Variants in GDNF observed in about 807,000 individuals in gnomAD.
The protein encoded by GDNF is glial cell derived neurotrophic factor, also known as glial cell line-derived neurotrophic factor.
A neutral mutation model predicts 13.7 loss-of-function variants in GDNF; 5 were observed. The ratio of observed to expected loss-of-function variants is 0.36; its 90% CI spans 0.19 to 0.77. The LOEUF (loss-of-function observed/expected upper bound fraction) is 0.77. Ranked by LOEUF, GDNF falls within the 30% of genes least tolerant of loss-of-function variation. The pLI, the probability that GDNF is intolerant of heterozygous loss-of-function variation, is 0.51. For synonymous variants in GDNF, 122 were observed against 112.5 expected (o/e 1.08, Z -0.53); for missense variants, 246 against 274.3 (o/e 0.90, Z 0.73).
At chr5:37,835,879 G>T (rs1454245971) in intron 1 of GDNF, 1 of 580,068 alleles carries the variant, frequency 1.7e-6, no homozygotes, top group Non-Finnish European at 3.1e-6. Context: ...AGAGTAGGGG[G>T]TTCAGCTCTT....
intron 1 of GDNF, chr5:37,835,325 C>A: frequency 1.7e-6 from 1 of 604,486 alleles, no homozygotes; most frequent in Non-Finnish European, 2.6e-6. Context: ...TAAAATCAAG[C>A]GCATTCCCCT....
At chr5:37,823,439 A>C (rs966566481) in intron 2 of GDNF, 1 of 152,338 alleles carries the variant, frequency 6.6e-6, no homozygotes, top group African/African-American at 2.4e-5. Flanking sequence ...AGTAGATCCT[A>C]AAGTTAGGCT....
chr5:37,835,399 C>T (rs1717758634), intron 1 of GDNF: 1 of 1,393,004 alleles, frequency 7.2e-7, no homozygotes, highest in Admixed American at 3.0e-5. Flanking sequence ...ACTCACCCAG[C>T]CTGCCGCCCA....
At chr5:37,819,444 C>CTT (rs529362873) in intron 2 of GDNF, among the ~76,000 whole-genome samples, 1,394 of 126,188 alleles carry the variant, frequency 0.011, 20 homozygotes, top group Non-Finnish European at 0.013. Context: ...GTGCTCTTTT[C>CTT]TTTTTTTTTT....
At chr5:37,832,710 G>A (rs1465064255) in intron 2 of GDNF, among the ~76,000 whole-genome samples, 1 of 152,178 alleles carries the variant, frequency 6.6e-6, no homozygotes. Context: ...TACCTTATAT[G>A]AGCCAAAGAT....
At chr5:37,820,221 T>C (rs969862982) in intron 2 of GDNF, among the ~76,000 whole-genome samples, 2 of 152,222 alleles carry the variant, frequency 1.3e-5, no homozygotes, top group Admixed American at 1.3e-4. Flanking sequence ...AAAATTTTAA[T>C]ATAAGCTAAT....
intron 2 of GDNF, among the ~76,000 whole-genome samples, chr5:37,817,456 T>C (rs377635602): frequency 1.3e-4 from 20 of 152,280 alleles, no homozygotes; most frequent in African/African-American, 4.1e-4. Context: ...TTTGCCAAGA[T>C]TGTATTAAAG....
Position 37,815,525 on chromosome 5 carries a change from C to A in GDNF, c.*126G>T. Reference sequence around the variant, plus strand: ...TCCTCCTCCTCCTCCTCCTCCTCTTCTTCTTCCTCCTCCTCCGCCTCCTTG... The same window carrying A: ...TCCTCCTCCTCCTCCTCCTCCTCTTATTCTTCCTCCTCCTCCGCCTCCTTG... On this transcript the variant is annotated 3_prime_UTR_variant, in exon 3 of 3. Coordinates refer to ENST00000326524, the MANE Select transcript of GDNF (RefSeq NM_000514.4). The surrounding 1 kb of genome is among the most constrained non-coding windows in gnomAD (Gnocchi z 5.0). 3.4e-6 allele frequency: 3 copies of A among 871,736 alleles called. No homozygotes were observed. In the East Asian group the frequency reaches 7.5e-5, roughly 22 times the overall value. The allele number at this position is 871,736 out of a possible 1,614,324, so 54.0% of individuals were successfully genotyped here. A position where few individuals can be genotyped will look rare whatever the true frequency, so the allele number is the denominator to read the frequency against.
In GDNF at chr5:37,830,789, A is replaced by T. The variant is rs1297023403; in HGVS notation, c.151+3857T>A. On this transcript the variant is annotated intron_variant, in intron 2 of 2. Transcript: ENST00000326524. ...ATGCCTATTTTACAGGGAAGAAAAA[A>T]CAAAGCTTAAGGGATGTTAAGTAAC... Among the ~76,000 whole-genome samples, 2 of 152,218 alleles carry T rather than the reference A, an allele frequency of 1.3e-5. 1 individual carries two copies. Among genetic ancestry groups the T allele is most frequent in the East Asian group, 3.9e-4 (2 of 5,192 alleles).
rs1452503758 is a variant in GDNF at position 37,839,040 on chromosome 5, C to T, written c.-27+467G>A. On this transcript the variant is annotated intron_variant, in intron 1 of 2. Coordinates refer to ENST00000326524, the MANE Select transcript of GDNF (RefSeq NM_000514.4). The surrounding 1 kb of genome is among the most constrained non-coding windows in gnomAD (Gnocchi z 5.5). Reference sequence around the variant, plus strand: ...ACCTTTGCAGCAGCCCCTCCCCCGGCCTGCGCTTTTCCTTGGCACAGATCA... The same window carrying T: ...ACCTTTGCAGCAGCCCCTCCCCCGGTCTGCGCTTTTCCTTGGCACAGATCA... Among the ~76,000 whole-genome samples, 1 of 152,154 alleles carries T rather than the reference C, an allele frequency of 6.6e-6. No individual in the cohort carries two copies. Among genetic ancestry groups the T allele is most frequent in the Non-Finnish European group, 1.5e-5 (1 of 68,020 alleles).
At chr5:37,834,979 A>T (rs1750652648) in intron 1 of GDNF, 157 bp from the exon 2 acceptor site, 1 of 654,772 alleles carries the variant, frequency 1.5e-6, no homozygotes, top group Non-Finnish European at 2.6e-6. Flanking sequence ...CCTCCTTGCA[A>T]GTCCCCAGTT....
At position 37,814,608 on chromosome 5, in the gene GDNF, T is replaced by C. The variant is rs1354284383; in HGVS notation, c.*1043A>G. 6.6e-6 allele frequency: 1 copy of C among 152,240 alleles called. No individual in the cohort carries two copies. The highest frequency in any genetic ancestry group is 1.9e-4 in the East Asian group (1 of 5,206). The allele number at this position is 152,240 out of a possible 1,614,324, so 9.4% of individuals were successfully genotyped here. ...TTGCATTTTGCGAGCACATATACTTTGGCACCTTTGAAAAGAAACTTTAAT... is the reference window on the plus strand; with the variant it reads ...TTGCATTTTGCGAGCACATATACTTCGGCACCTTTGAAAAGAAACTTTAAT... On this transcript the variant is annotated 3_prime_UTR_variant, in exon 3 of 3. Coordinates refer to ENST00000326524, the MANE Select transcript of GDNF (RefSeq NM_000514.4).
At position 37,825,274 on chromosome 5, in the gene GDNF, C is replaced by T. The variant is rs141042586; in HGVS notation, c.152-9139G>A. On this transcript the variant is annotated intron_variant, in intron 2 of 2. Coordinates refer to ENST00000326524, the MANE Select transcript of GDNF (RefSeq NM_000514.4). The stretch of plus-strand genomic sequence containing the variant: ...AGACAGACAGTAAATTCCTTTGTTA[C>T]TCAGGTTCTGATCACCTTGCTCTGA... Among the ~76,000 whole-genome samples the T allele has an allele frequency of 2.2e-3, 329 of 152,322 alleles. 1 individual carries two copies. Among genetic ancestry groups the T allele is most frequent in the African/African-American group, 7.6e-3 (315 of 41,550 alleles).
At chr5:37,817,546 C>T (rs1296110671) in intron 2 of GDNF, among the ~76,000 whole-genome samples, 2 of 152,040 alleles carry the variant, frequency 1.3e-5, no homozygotes, top group Non-Finnish European at 2.9e-5. Flanking sequence ...TAAAATATAT[C>T]AGGTATCCCT....
chr5:37,834,735 G>T lies in GDNF; in HGVS notation c.62C>A (p.Pro21Gln). 1 of 1,612,018 alleles carries T rather than the reference G, an allele frequency of 6.2e-7. No individual in the cohort carries two copies. Among genetic ancestry groups the T allele is most frequent in the Non-Finnish European group, 8.5e-7 (1 of 1,179,296 alleles). Reference protein sequence around the residue: ...LVLLHTASAFPLPAGKRPPEA... With the variant: ...LVLLHTASAFQLPAGKRPPEA... ...GGGAGGCCTCTTACCGGCGGGCAGC[G>T]GGAAGGCGGACGCGGTGTGGAGCAG... The change falls in exon 2 of 3, where the codon CCG (proline) becomes CAG (glutamine). Residue 21 changes from proline to glutamine, a missense_variant. By Grantham distance (76) the Pro-to-Gln change is moderately conservative (BLOSUM62 -1). Transcript: ENST00000326524.
At chr5:37,819,931 A>G (rs917056849) in intron 2 of GDNF, among the ~76,000 whole-genome samples, 1 of 152,220 alleles carries the variant, frequency 6.6e-6, no homozygotes, top group African/African-American at 2.4e-5. Context: ...ATAATAAGCT[A>G]TTAAAGAGGA....
intron 2 of GDNF, among the ~76,000 whole-genome samples, chr5:37,829,242 C>T (rs779469594): frequency 5.9e-5 from 9 of 152,194 alleles, no homozygotes; most frequent in Non-Finnish European, 1.3e-4. Context: ...CATGCTACTC[C>T]CTAGTATGTC....
At chr5:37,825,396 G>T (rs1214484091) in intron 2 of GDNF, among the ~76,000 whole-genome samples, 1 of 152,152 alleles carries the variant, frequency 6.6e-6, no homozygotes, top group Admixed American at 6.5e-5. Flanking sequence ...CCATTCTTCA[G>T]CTTTTAAGTC....
intron 2 of GDNF, among the ~76,000 whole-genome samples, chr5:37,819,260 C>A (rs1750037280): frequency 6.6e-6 from 1 of 152,112 alleles, no homozygotes; most frequent in Non-Finnish European, 1.5e-5. Context: ...AGCCACTCTG[C>A]CCTGAGTGGC....
Sources: allele counts gnomAD v4.1 joint callset (sites outside exome capture counted in the v4.1 genomes callset), GRCh38; gene constraint gnomAD v4.1.1; non-coding constraint Gnocchi (gnomAD v3.1); transcripts MANE v1.5; gene names NCBI Gene and HGNC (gene_info 2026-07-23, HGNC 2026-07-21).